Variants in HNF4G observed in about 807,000 individuals in gnomAD.
HNF4G encodes hepatocyte nuclear factor 4-gamma.
A neutral mutation model predicts 50.9 loss-of-function variants in HNF4G; 21 were observed. The ratio of observed to expected loss-of-function variants is 0.41; its 90% confidence interval spans 0.29 to 0.59. HNF4G has a LOEUF of 0.59. Among genes scored for constraint, HNF4G ranks in the 20% least tolerant of loss-of-function variants. The pLI is 0.26. For synonymous variants in HNF4G, 198 were observed against 185.6 expected (o/e 1.07, Z -0.54); for missense variants, 527 against 559.4 (o/e 0.94, Z 0.58).
intron 1 of HNF4G, among the ~76,000 whole-genome samples, chr8:75,452,630 AATG>A (rs377661871): frequency 0.047 from 7,155 of 152,138 alleles, 231 homozygotes; most frequent in African/African-American, 0.081. Context: ...GAGGCAGGGA[AATG>A]GCGTGAACCC....
At chr8:75,449,488 G>GTAATATAT (rs1563511299) in intron 1 of HNF4G, among the ~76,000 whole-genome samples, 2 of 147,292 alleles carry the variant, frequency 1.4e-5, no homozygotes, top group African/African-American at 5.0e-5. Context: ...CATTATCTCA[G>GTAATATAT]TAATATATAT....
chr8:75,499,454 C>T (rs1045191819), intron 2 of HNF4G, among the ~76,000 whole-genome samples: 4 of 151,894 alleles, frequency 2.6e-5, no homozygotes, highest in African/African-American at 7.2e-5. Flanking sequence ...GGCAATACTC[C>T]ACAAATTGAT....
chr8:75,540,105 G>A lies in HNF4G; in HGVS notation c.118+25G>A, dbSNP rs540832555. Reference sequence around the variant, plus strand: ...GGTGAGTTATCATCTGTTTATAGATGTAAAGAAAAGTAAGTATAATTGGAG... The same window carrying A: ...GGTGAGTTATCATCTGTTTATAGATATAAAGAAAAGTAAGTATAATTGGAG... On this transcript the variant is annotated intron_variant, in intron 1 of 9. Coordinates refer to ENST00000396423, the MANE Select transcript of HNF4G (RefSeq NM_004133.5). The A allele has an allele frequency of 1.5e-4, 185 of 1,247,892 alleles. 3 individuals are homozygous for A. In the South Asian group the frequency reaches 2.1e-3, roughly 14 times the overall value. The allele number at this position is 1,247,892 out of a possible 1,614,324, so 77.3% of individuals were successfully genotyped here. A position where few individuals can be genotyped will look rare whatever the true frequency, so the allele number is the denominator to read the frequency against.
At chr8:75,412,719 A>T (rs1810529811) in intron 1 of HNF4G, among the ~76,000 whole-genome samples, 1 of 148,826 alleles carries the variant, frequency 6.7e-6, no homozygotes, top group Admixed American at 6.8e-5. Context: ...GTGTTTTAGA[A>T]TTTTTTTTTT....
chr8:75,453,006 G>T (rs1319201787), intron 1 of HNF4G, among the ~76,000 whole-genome samples: 1 of 152,186 alleles, frequency 6.6e-6, no homozygotes, highest in Non-Finnish European at 1.5e-5. Context: ...ATTTAAAAAG[G>T]TTAAGTGATT....
At chr8:75,463,685 C>T (rs900565386) in intron 1 of HNF4G, among the ~76,000 whole-genome samples, 5 of 151,830 alleles carry the variant, frequency 3.3e-5, no homozygotes, top group African/African-American at 1.2e-4. Flanking sequence ...CTTTCTTCAG[C>T]AGCTTAACTT....
chr8:75,480,105 C>T (rs1048627475), intron 1 of HNF4G, among the ~76,000 whole-genome samples: 1 of 151,960 alleles, frequency 6.6e-6, no homozygotes, highest in East Asian at 1.9e-4. Flanking sequence ...ATTTGCTTAT[C>T]TATGTGCTAT....
intron 1 of HNF4G, among the ~76,000 whole-genome samples, chr8:75,477,724 T>C (rs918808096): frequency 7.2e-5 from 11 of 151,988 alleles, no homozygotes; most frequent in Non-Finnish European, 1.5e-4. Context: ...ACCCAGCACT[T>C]TGGGAGGCCG....
Position 75,523,180 on chromosome 8 carries a change from G to A in HNF4G, c.-23-20631G>A, listed in dbSNP as rs958719989. 1.9e-4 allele frequency among the ~76,000 whole-genome samples: 29 copies of A among 151,812 alleles called. 1 individual carries two copies. Among genetic ancestry groups the A allele is most frequent in the Non-Finnish European group, 7.4e-5 (5 of 67,982 alleles). On this transcript the variant is annotated intron_variant, in intron 2 of 10. Transcript: ENST00000354370. ...GTGGAGGTTGCAGTGAGCCGAGATC[G>A]CGCCACTGCACTCCAGCCTGGCAAC...
chr8:75,517,133 G>A (rs1045657635), intron 2 of HNF4G, among the ~76,000 whole-genome samples: 5 of 152,050 alleles, frequency 3.3e-5, no homozygotes, highest in Admixed American at 6.5e-5. Flanking sequence ...TCACTATCAC[G>A]AGAATAGCAT....
At position 75,551,359 on chromosome 8, in the gene HNF4G, T is replaced by C; in HGVS notation, c.383-29T>C. The C allele has an allele frequency of 3.2e-6, 4 of 1,268,748 alleles. No homozygotes were observed. In the Admixed American group the frequency reaches 6.8e-5, roughly 21 times the overall value. The allele number at this position is 1,268,748 out of a possible 1,614,324, so 78.6% of individuals were successfully genotyped here. ...TCTAACATACACTAAAGAGAAGTGCTCAATAAATACTGTGTTTTTTCCCCC... is the reference window on the plus strand; with the variant it reads ...TCTAACATACACTAAAGAGAAGTGCCCAATAAATACTGTGTTTTTTCCCCC... On this transcript the variant is annotated intron_variant, in intron 3 of 9. Coordinates refer to ENST00000396423, the MANE Select transcript of HNF4G (RefSeq NM_004133.5).
chr8:75,556,056 T>A lies in HNF4G; in HGVS notation c.720T>A (p.Asp240Glu). 1 of 1,537,432 alleles carries A rather than the reference T, an allele frequency of 6.5e-7. No homozygotes were observed. Among genetic ancestry groups the A allele is most frequent in the Non-Finnish European group, 8.7e-7 (1 of 1,146,656 alleles). Residue 240 changes from aspartate (D) to glutamate (E), a missense_variant, in exon 6 of 10, where the codon GAT (aspartate) becomes GAA (glutamate). Physicochemically the swap from Asp to Glu is conservative, Grantham distance 45. Transcript: ENST00000396423. ...CAAAGAGATCCATGATGTATAAAGA[T>A]ATTTTGCTTTTGGGTAAGTTTTTTT... The part of the protein sequence containing the change: ...GATKRSMMYK[D>E]ILLLGNNYVI...
intron 1 of HNF4G, among the ~76,000 whole-genome samples, chr8:75,411,117 C>T (rs576101693): frequency 3.9e-5 from 6 of 152,332 alleles, no homozygotes; most frequent in African/African-American, 9.6e-5. Flanking sequence ...TAAGGTTACA[C>T]GTTTACATGG....
In HNF4G at chr8:75,424,356, G is replaced by A. The variant is rs180785482; in HGVS notation, c.-144+16194G>A. On this transcript the variant is annotated intron_variant, in intron 1 of 10. Coordinates refer to the HNF4G transcript ENST00000354370. The stretch of plus-strand genomic sequence containing the variant: ...CAGGTTGAGAGTGTTTATTAATACA[G>A]CATCTTAAATTTTTTACCTTTATTT... 3.5e-3 allele frequency among the ~76,000 whole-genome samples: 529 copies of A among 152,050 alleles called. 16 individuals carry two copies. The highest frequency in any genetic ancestry group is 0.03 in the Admixed American group (460 of 15,274).
chr8:75,540,211 A>C (rs1806576359), intron 1 of HNF4G, 131 bp downstream of exon 1: 1 of 576,106 alleles, frequency 1.7e-6, no homozygotes, highest in Non-Finnish European at 3.1e-6. Context: ...TTAAGGCCAC[A>C]GATCTGAGCT....
rs1315772498 is a variant in HNF4G, at chr8:75,539,886, T to C, written c.-77T>C. The C allele has an allele frequency of 4.2e-6, 3 of 706,710 alleles. No individual in the cohort carries two copies. The highest frequency in any genetic ancestry group is 5.3e-5 in the East Asian group (2 of 38,064). The allele number at this position is 706,710 out of a possible 1,614,324, so 43.8% of individuals were successfully genotyped here. A position where few individuals can be genotyped will look rare whatever the true frequency, so the allele number is the denominator to read the frequency against. ...TTAACTTTGGATTAGCACTCACAGA[T>C]TGAAAGCAAAACACATCAAAACACT... On this transcript the variant is annotated 5_prime_UTR_variant, in exon 1 of 10. Transcript: ENST00000396423.
rs1462657404 is a variant in HNF4G at position 75,563,978 on chromosome 8, C to T, written c.1250C>T (p.Thr417Ile). The T allele has an allele frequency of 8.1e-6, 13 of 1,612,866 alleles. No homozygotes were observed. Among genetic ancestry groups the T allele is most frequent in the Non-Finnish European group, 1.1e-5 (13 of 1,179,402 alleles). ...STLVHADQIS[T>I]PETPLPSPPQ... is the part of the protein sequence containing the mutation. ...CAATTCTCTGATTCTTTTTCAGCAA[C>T]TCCTGAAACCCCACTCCCTTCCCCA... The change falls in exon 10 of 10, where the codon ACT becomes ATT. Residue 417 changes from threonine to isoleucine, a missense_variant. Thr to Ile is a moderately conservative substitution (Grantham distance 89). Transcript: ENST00000396423.
chr8:75,559,056 T>A lies in HNF4G; in HGVS notation c.1123+19T>A, dbSNP rs368967709. 7 of 1,347,944 alleles carry A rather than the reference T, an allele frequency of 5.2e-6. No homozygotes were observed. The highest frequency in any genetic ancestry group is 7.5e-6 in the Non-Finnish European group (7 of 937,262). The allele number at this position is 1,347,944 out of a possible 1,614,324, so 83.5% of individuals were successfully genotyped here. A position where few individuals can be genotyped will look rare whatever the true frequency, so the allele number is the denominator to read the frequency against. The stretch of plus-strand genomic sequence containing the variant: ...TTAGGTGGTGAGTACATTGAATAAT[T>A]TCTACTTTATTGATTAGAATCACAC... On this transcript the variant is annotated intron_variant, in intron 8 of 9. Transcript: ENST00000396423.
At chr8:75,531,693 A>G (rs1201121243) in intron 2 of HNF4G, among the ~76,000 whole-genome samples, 2 of 152,136 alleles carry the variant, frequency 1.3e-5, no homozygotes, top group Non-Finnish European at 2.9e-5. Flanking sequence ...ATAAAATAAT[A>G]CAAATAAATA....
Sources: gnomAD v4.1 joint callset for allele counts (sites outside exome capture counted in the v4.1 genomes callset) on GRCh38, gnomAD v4.1.1 for gene constraint, MANE v1.5 for transcripts, NCBI Gene and HGNC (gene_info 2026-07-23, HGNC 2026-07-21) for gene names.